SAFB2: variants seen among roughly 807,000 people sequenced by gnomAD.
SAFB2 encodes scaffold attachment factor B2.
A neutral mutation model predicts 100.6 loss-of-function variants in SAFB2; 32 were observed. That is an observed-to-expected ratio of 0.32 (90% CI 0.24 to 0.43). The LOEUF (loss-of-function observed/expected upper bound fraction) is 0.43, where lower values mean the gene tolerates loss of function less well. Ranked by LOEUF, SAFB2 falls within the 20% of genes least tolerant of loss-of-function variation. The probability of loss-of-function intolerance (pLI) is 1.00; values close to 1 mark genes in which losing one functional copy is unlikely to be tolerated. For missense variants in SAFB2, 1,185 were observed against 1,163.4 expected (o/e 1.02, Z -0.27); for synonymous variants, 500 against 439.4 (o/e 1.14, Z -1.72).
chr19:5,600,581 G>C (rs1209746533), intron 11 of SAFB2, among the ~76,000 whole-genome samples: 1 of 152,122 alleles, frequency 6.6e-6, no homozygotes, highest in African/African-American at 2.4e-5. Context: ...AACTACATAA[G>C]AACACTTCTA....
At position 5,603,200 on chromosome 19, in the gene SAFB2, C is replaced by T. The variant is rs766925717; in HGVS notation, c.1559+1383G>A. ...GGAGGTTCACTTGGGCTTGGGAAGT[C>T]GAGGCTGTAATGAGCCATGACTGCA... On this transcript the variant is annotated intron_variant, in intron 11 of 20. Transcript: ENST00000252542. 3.9e-5 allele frequency among the ~76,000 whole-genome samples: 6 copies of T among 152,016 alleles called. No homozygotes were observed. In the East Asian group the frequency reaches 7.7e-4, roughly 20 times the overall value.
chr19:5,587,088 T>TTAA lies in SAFB2; in HGVS notation c.*154_*155insTTA. On this transcript the variant is annotated 3_prime_UTR_variant, in exon 21 of 21. Coordinates refer to ENST00000252542, the MANE Select transcript of SAFB2 (RefSeq NM_014649.3). The surrounding 1 kb of genome is among the most constrained non-coding windows in gnomAD (Gnocchi z 4.9). ...ATGGCAGAACAAGAACACATTTATTTAAAAAAAAAAAAAAAGTGAGTTCAC... is the reference window on the plus strand; with the variant it reads ...ATGGCAGAACAAGAACACATTTATTTTAAAAAAAAAAAAAAAAAGTGAGTTCAC... The TTAA allele has an allele frequency of 5.3e-5, 42 of 790,868 alleles. No homozygotes were observed. Among genetic ancestry groups the TTAA allele is most frequent in the Admixed American group, 4.8e-4 (17 of 35,442 alleles). The allele number at this position is 790,868 out of a possible 1,614,324, so 49.0% of individuals were successfully genotyped here. A position where few individuals can be genotyped will look rare whatever the true frequency, so the allele number is the denominator to read the frequency against.
intron 12 of SAFB2, 79 bp downstream of exon 12, chr19:5,600,051 C>T: frequency 6.8e-7 from 1 of 1,465,120 alleles, no homozygotes; most frequent in African/African-American, 1.4e-5. Flanking sequence ...AGCTTGCTGT[C>T]CTCACCTTCC....
chr19:5,605,698 T>C (rs1438410112), intron 9 of SAFB2, among the ~76,000 whole-genome samples: 1 of 152,148 alleles, frequency 6.6e-6, no homozygotes, highest in Non-Finnish European at 1.5e-5. Context: ...AACTAAGCAT[T>C]GTCTTCCTGC....
chr19:5,611,644 A>G lies in SAFB2; in HGVS notation c.635-14T>C, dbSNP rs944068523. 4.9e-6 allele frequency: 2 copies of G among 410,532 alleles called. No homozygotes were observed. The highest frequency in any genetic ancestry group is 2.5e-5 in the African/African-American group (1 of 39,792). The allele number at this position is 410,532 out of a possible 1,614,324, so 25.4% of individuals were successfully genotyped here. A position where few individuals can be genotyped will look rare whatever the true frequency, so the allele number is the denominator to read the frequency against. On this transcript the variant is annotated splice_polypyrimidine_tract_variant and intron_variant, in intron 6 of 20. Transcript: ENST00000252542. ...TTTTCTCATTTTCTACGGATTTAACAGGAATAGAATGGCACAAGGTTTAAT... is the reference window on the plus strand; with the variant it reads ...TTTTCTCATTTTCTACGGATTTAACGGGAATAGAATGGCACAAGGTTTAAT...
chr19:5,595,184 G>A (rs1212866395), intron 14 of SAFB2, among the ~76,000 whole-genome samples, 177 bp downstream of exon 14: 1 of 152,002 alleles, frequency 6.6e-6, no homozygotes, highest in Non-Finnish European at 1.5e-5. Context: ...CATGTCTGGC[G>A]GCTCACGTGT....
In SAFB2 at chr19:5,600,184, C is replaced by A. The variant is rs749746857; in HGVS notation, c.1636G>T (p.Asp546Tyr). ...KPEDIKKEEK[D>Y]QDELKPGPTN... ...GGTCCGGGTTTCAGCTCATCCTGGTCTTTTTCTTCCTTCTTAATGTCTTCA... is the reference window on the plus strand; with the variant it reads ...GGTCCGGGTTTCAGCTCATCCTGGTATTTTTCTTCCTTCTTAATGTCTTCA... The change falls in exon 12 of 21, where the codon GAC becomes TAC. Residue 546 changes from aspartate (D) to tyrosine (Y), a missense_variant. Coordinates refer to ENST00000252542, the MANE Select transcript of SAFB2 (RefSeq NM_014649.3). 6.2e-7 allele frequency: 1 copy of A among 1,614,000 alleles called. No individual in the cohort carries two copies. Among genetic ancestry groups the A allele is most frequent in the Non-Finnish European group, 8.5e-7 (1 of 1,180,030 alleles).
rs550972919 is a variant in SAFB2 at position 5,621,674 on chromosome 19, G to T, written c.187-278C>A. The stretch of plus-strand genomic sequence containing the variant: ...CAAAATGGCAACTCAACTCGACAAT[G>T]CCAAACCTTCGACTTTAAAGTTATA... On this transcript the variant is annotated intron_variant, in intron 1 of 20. Coordinates refer to ENST00000252542, the MANE Select transcript of SAFB2 (RefSeq NM_014649.3). Among the ~76,000 whole-genome samples, 6 of 152,350 alleles carry T rather than the reference G, an allele frequency of 3.9e-5. No individual in the cohort carries two copies. In the East Asian group the frequency reaches 9.6e-4, roughly 24 times the overall value.
intron 4 of SAFB2, 193 bp from the exon 5 acceptor site, chr19:5,613,720 C>A: frequency 1.0e-6 from 1 of 985,460 alleles, no homozygotes; most frequent in Non-Finnish European, 1.2e-6. Context: ...GCTCCACCAG[C>A]GTCTCTGGCA....
intron 16 of SAFB2, 119 bp from the exon 17 acceptor site, chr19:5,591,912 G>T: frequency 2.1e-6 from 2 of 963,262 alleles, no homozygotes; most frequent in Non-Finnish European, 1.6e-6. Context: ...ACTATAACTG[G>T]CCTGGGAAAA....
At chr19:5,593,567 T>C (rs1351965466) in intron 15 of SAFB2, 4 of 283,892 alleles carry the variant, frequency 1.4e-5, no homozygotes, top group East Asian at 6.6e-5. Context: ...GGGCGTTCGG[T>C]TGTCTCGCAA....
At chr19:5,616,839 A>G (rs955812909) in intron 2 of SAFB2, among the ~76,000 whole-genome samples, 12 of 151,540 alleles carry the variant, frequency 7.9e-5, no homozygotes, top group African/African-American at 2.2e-4. Flanking sequence ...TTTAGTAGAG[A>G]TGGGGTTTCA....
At position 5,622,509 on chromosome 19, in the gene SAFB2, C is replaced by T; in HGVS notation, c.186+21G>A. 1.9e-6 allele frequency: 3 copies of T among 1,576,900 alleles called. No individual in the cohort carries two copies. The South Asian group carries it at 3.4e-5, about 18-fold the overall frequency. Reference sequence around the variant, plus strand: ...CGTGCCCGGGCCTCCTGCGCCACCCCCGAGCCCCGCGCCGCCTCACCTTCT... The same window carrying T: ...CGTGCCCGGGCCTCCTGCGCCACCCTCGAGCCCCGCGCCGCCTCACCTTCT... On this transcript the variant is annotated intron_variant, in intron 1 of 20. Transcript: ENST00000252542.
In SAFB2 at chr19:5,611,268, C is replaced by G; in HGVS notation, c.997G>C (p.Glu333Gln). The G allele has an allele frequency of 2.6e-6, 1 of 388,272 alleles. No homozygotes were observed. Among genetic ancestry groups the G allele is most frequent in the South Asian group, 2.6e-5 (1 of 38,644 alleles). 24.1% of individuals were successfully genotyped at this position (388,272 alleles called of 1,614,324 possible). A position where few individuals can be genotyped will look rare whatever the true frequency, so the allele number is the denominator to read the frequency against. Residue 333 changes from glutamate (E) to glutamine (Q), a missense_variant, in exon 7 of 21, where the codon GAG (glutamate) becomes CAG (glutamine). Glu to Gln is a conservative substitution (Grantham distance 29). Around this residue, in one of 3 missense-constraint regions of SAFB2, gnomAD observed 351 missense variants for 341.2 expected, o/e 1.03. Coordinates refer to ENST00000252542, the MANE Select transcript of SAFB2 (RefSeq NM_014649.3). ...ASELAEASSE[E>Q]LAEAPTEAPS... is the part of the protein sequence containing the mutation. ...GCTTCCGTGGGTGCTTCTGCGAGCT[C>G]CTCGCTAGAGGCCTCCGCGAGCTCG...
chr19:5,591,042 C>T (rs370998790), intron 17 of SAFB2, among the ~76,000 whole-genome samples: 2 of 152,128 alleles, frequency 1.3e-5, no homozygotes, highest in African/African-American at 4.8e-5. Context: ...GGACTTGAAA[C>T]ATGGGGAAGC....
At chr19:5,620,570 C>G (rs1370988375) in intron 2 of SAFB2, among the ~76,000 whole-genome samples, 1 of 152,232 alleles carries the variant, frequency 6.6e-6, no homozygotes, top group Non-Finnish European at 1.5e-5. Flanking sequence ...AAAGCTGATG[C>G]AAATGGCCAT....
At position 5,622,718 on chromosome 19, in the gene SAFB2, T is replaced by C; in HGVS notation, c.-3A>G. ...GACCCGGGCAGAGTCTCCGCCATCG[T>C]CGCGTTCCCGTCTTCGCCACCGACT... On this transcript the variant is annotated 5_prime_UTR_variant, in exon 1 of 21. Coordinates refer to ENST00000252542, the MANE Select transcript of SAFB2 (RefSeq NM_014649.3). 6.3e-7 allele frequency: 1 copy of C among 1,598,254 alleles called. No homozygotes were observed.
intron 6 of SAFB2, 101 bp downstream of exon 6, chr19:5,612,439 A>C: frequency 9.4e-7 from 1 of 1,061,364 alleles, no homozygotes. Context: ...CCACCATTAG[A>C]GCAATTTACA....
At chr19:5,594,990 A>G (rs1431829403) in intron 14 of SAFB2, among the ~76,000 whole-genome samples, 1 of 152,154 alleles carries the variant, frequency 6.6e-6, no homozygotes, top group Non-Finnish European at 1.5e-5. Context: ...CTGGGACTAC[A>G]AGTGCACGCC....
Sources: gnomAD v4.1 joint callset for allele counts (sites outside exome capture counted in the v4.1 genomes callset) on GRCh38, gnomAD v4.1.1 for gene constraint, gnomAD v4.1.1 regional missense constraint, Gnocchi (gnomAD v3.1) non-coding constraint, MANE v1.5 for transcripts, NCBI Gene and HGNC (gene_info 2026-07-23, HGNC 2026-07-21) for gene names.